The following INPP4B variants were observed in gnomAD, a reference collection of about 807,000 sequenced individuals.
INPP4B encodes inositol polyphosphate 4-phosphatase type II.
In INPP4B, 55 loss-of-function variants were observed where a neutral mutation model predicts 122.5. That is an observed-to-expected ratio of 0.45 (90% CI 0.36 to 0.56). The LOEUF (loss-of-function observed/expected upper bound fraction) is 0.56. Among genes scored for constraint, INPP4B ranks in the 20% least tolerant of loss-of-function variants. The pLI is 0.00. For synonymous variants in INPP4B, 403 were observed against 388.7 expected (o/e 1.04, Z -0.43); for missense variants, 1,000 against 1,097.7 (o/e 0.91, Z 1.26).
intron 2 of INPP4B, among the ~76,000 whole-genome samples, chr4:142,557,858 T>G (rs904311986): frequency 5.3e-5 from 8 of 152,342 alleles, no homozygotes; most frequent in Non-Finnish European, 1.0e-4. Context: ...TTTCTAGTTC[T>G]ATCTATGGGC....
chr4:142,727,854 G>A (rs1364762571), intron 1 of INPP4B, among the ~76,000 whole-genome samples: 1 of 152,134 alleles, frequency 6.6e-6, no homozygotes, highest in Non-Finnish European at 1.5e-5. Flanking sequence ...CTCCAGCTTG[G>A]GCAACAGAAT....
intron 1 of INPP4B, among the ~76,000 whole-genome samples, chr4:142,729,964 C>T (rs550703137): frequency 7.8e-5 from 1 of 12,836 alleles, no homozygotes; most frequent in South Asian, 8.3e-3. Context: ...GAATCCAGTC[C>T]ACTGTCTCCA....
chr4:142,474,469 G>T (rs1819480233), intron 2 of INPP4B: 1 of 151,848 alleles, frequency 6.6e-6, no homozygotes, highest in South Asian at 2.1e-4. Flanking sequence ...AGCAGGGTAG[G>T]TGACCACAGG....
chr4:142,304,580 T>C (rs1307630859), intron 9 of INPP4B, among the ~76,000 whole-genome samples: 1 of 152,034 alleles, frequency 6.6e-6, no homozygotes, highest in Non-Finnish European at 1.5e-5. Context: ...TGAAATAAAT[T>C]GTTGGTTATA....
Position 142,281,881 on chromosome 4 carries a change from T to C in INPP4B, c.504-11107A>G, listed in dbSNP as rs148439912. Among the ~76,000 whole-genome samples, 30 of 152,184 alleles carry C rather than the reference T, an allele frequency of 2.0e-4. No individual in the cohort carries two copies. In the East Asian group the frequency reaches 5.0e-3, roughly 25 times the overall value. On this transcript the variant is annotated intron_variant, in intron 9 of 25. Transcript: ENST00000262992. ...CTCTGACAACACATAATAAAATCAT[T>C]TTAAAATACATAAAACACCATAAAG...
intron 23 of INPP4B, among the ~76,000 whole-genome samples, chr4:142,106,425 C>T (rs1787152196): frequency 6.6e-6 from 1 of 152,102 alleles, no homozygotes; most frequent in South Asian, 2.1e-4. Context: ...GGATCACAGA[C>T]ACATACCACC....
chr4:142,191,267 G>A (rs543353145), intron 15 of INPP4B, among the ~76,000 whole-genome samples: 8 of 152,176 alleles, frequency 5.3e-5, no homozygotes, highest in African/African-American at 1.7e-4. Context: ...CCCAAACTGG[G>A]TGCCACAGAA....
chr4:142,256,045 G>A (rs1184513136), intron 11 of INPP4B, among the ~76,000 whole-genome samples: 1 of 150,986 alleles, frequency 6.6e-6, no homozygotes, highest in Non-Finnish European at 1.5e-5. Context: ...TCAGGATTAA[G>A]AATCTCACTC....
At chr4:142,408,049 C>T (rs983767) in intron 5 of INPP4B, among the ~76,000 whole-genome samples, 41,550 of 151,966 alleles carry the variant, frequency 0.27, 6,720 homozygotes, top group South Asian at 0.39. Context: ...TCATAAATAC[C>T]AAATTAGTAC....
intron 18 of INPP4B, among the ~76,000 whole-genome samples, chr4:142,142,871 T>C (rs1808588396): frequency 6.6e-6 from 1 of 152,068 alleles, no homozygotes; most frequent in South Asian, 2.1e-4. Flanking sequence ...ACATGGAGTT[T>C]TACCCCAAAA....
At chr4:142,175,029 C>A (rs1827459411) in intron 15 of INPP4B, among the ~76,000 whole-genome samples, 2 of 151,976 alleles carry the variant, frequency 1.3e-5, no homozygotes, top group South Asian at 4.1e-4. Context: ...GGCATTCCAG[C>A]AGGAAAGCTG....
At chr4:142,285,628 A>G (rs556842977) in intron 9 of INPP4B, among the ~76,000 whole-genome samples, 1 of 139,150 alleles carries the variant, frequency 7.2e-6, no homozygotes, top group Non-Finnish European at 1.5e-5. Flanking sequence ...TTTCTAGGTA[A>G]ATAAAGGGGA....
chr4:142,252,170 T>G (rs533359336), intron 11 of INPP4B, among the ~76,000 whole-genome samples: 1 of 150,936 alleles, frequency 6.6e-6, no homozygotes, highest in South Asian at 2.1e-4. Flanking sequence ...GCATATTGCC[T>G]GTCACTATAG....
chr4:142,433,747 C>T (rs1250049969), intron 3 of INPP4B, among the ~76,000 whole-genome samples: 1 of 152,156 alleles, frequency 6.6e-6, no homozygotes, highest in African/African-American at 2.4e-5. Flanking sequence ...CAAATAGCAT[C>T]TTCGTGTCAA....
intron 17 of INPP4B, among the ~76,000 whole-genome samples, chr4:142,146,286 T>C (rs1810689105): frequency 6.6e-6 from 1 of 152,166 alleles, no homozygotes; most frequent in African/African-American, 2.4e-5. Context: ...GCACAAATTA[T>C]GATATTTTAA....
chr4:142,179,472 C>CAA (rs71586262), intron 15 of INPP4B, among the ~76,000 whole-genome samples: 1,245 of 72,188 alleles, frequency 0.017, 28 homozygotes, highest in Non-Finnish European at 0.019. Context: ...AACTCCATCT[C>CAA]AAAAAAAAAA....
At chr4:142,725,084 T>TACA (rs1765165288) in intron 2 of INPP4B, among the ~76,000 whole-genome samples, 1 of 152,090 alleles carries the variant, frequency 6.6e-6, no homozygotes, top group Non-Finnish European at 1.5e-5. Context: ...TCTGCAAAAA[T>TACA]CTCTTTTGAG....
chr4:142,227,854 T>C (rs1226624111), intron 12 of INPP4B, among the ~76,000 whole-genome samples: 2 of 64,118 alleles, frequency 3.1e-5, no homozygotes, highest in East Asian at 4.3e-4. Context: ...GGAGACTCTA[T>C]CTAAAAAAAA....
intron 2 of INPP4B, among the ~76,000 whole-genome samples, chr4:142,714,871 A>G: frequency 6.6e-6 from 1 of 152,328 alleles, no homozygotes; most frequent in Non-Finnish European, 1.5e-5. Context: ...TGGGAATTGA[A>G]TTGTTCTACA....
Sources: gnomAD v4.1 joint callset for allele counts (sites outside exome capture counted in the v4.1 genomes callset) on GRCh38, gnomAD v4.1.1 for gene constraint, MANE v1.5 for transcripts, NCBI Gene and HGNC (gene_info 2026-07-23, HGNC 2026-07-21) for gene names.